Variants in ESRRG observed in about 807,000 individuals in gnomAD.
The protein encoded by ESRRG is estrogen related receptor gamma, also known as estrogen-related receptor gamma.
Under a neutral mutation model 44.0 loss-of-function variants are expected in ESRRG, and 13 were observed. That is an observed-to-expected ratio of 0.30 (90% CI 0.19 to 0.47). The LOEUF is 0.47. Among genes scored for constraint, ESRRG ranks in the 20% least tolerant of loss-of-function variants. ESRRG has a pLI of 1.00. For missense variants in ESRRG, 395 were observed against 580.6 expected (o/e 0.68, Z 3.29); for synonymous variants, 215 against 214.6 (o/e 1.00, Z -0.02).
intron 2 of ESRRG, among the ~76,000 whole-genome samples, chr1:216,786,229 A>C (rs1174108892): frequency 1.3e-5 from 2 of 152,240 alleles, no homozygotes; most frequent in Non-Finnish European, 2.9e-5. Context: ...TGCTGCAAGG[A>C]TGAAGACCTG....
intron 1 of ESRRG, among the ~76,000 whole-genome samples, chr1:217,058,319 C>T (rs1430216474): frequency 6.6e-6 from 1 of 152,108 alleles, no homozygotes; most frequent in East Asian, 1.9e-4. Flanking sequence ...GCAAAACTGA[C>T]TTGCAAGTAT....
chr1:216,762,485 C>A (rs1044285033), intron 2 of ESRRG, among the ~76,000 whole-genome samples: 5 of 148,370 alleles, frequency 3.4e-5, no homozygotes, highest in South Asian at 2.1e-4. Context: ...TATTCTCACT[C>A]ATAGGTGGGA....
rs954383725 is a variant in ESRRG, at chr1:216,954,790, G to C, written c.-105-15117C>G. Reference sequence around the variant, plus strand: ...GCTGACAGGCAGAGGAGTAAGTTGTGACATCTCAGTAGTGATCCTGCCTGA... The same window carrying C: ...GCTGACAGGCAGAGGAGTAAGTTGTCACATCTCAGTAGTGATCCTGCCTGA... On this transcript the variant is annotated intron_variant, in intron 1 of 7. Coordinates refer to the ESRRG transcript ENST00000359162. Among the ~76,000 whole-genome samples, 3 of 152,246 alleles carry C rather than the reference G, an allele frequency of 2.0e-5. No homozygotes were observed. In the South Asian group the frequency reaches 6.2e-4, roughly 32 times the overall value.
chr1:217,007,787 C>A (rs1233638281), intron 1 of ESRRG, among the ~76,000 whole-genome samples: 1 of 152,046 alleles, frequency 6.6e-6, no homozygotes, highest in Non-Finnish European at 1.5e-5. Context: ...ATGGACTAAG[C>A]ATTTACTATA....
chr1:216,949,732 G>A (rs1342234652), intron 1 of ESRRG, among the ~76,000 whole-genome samples: 2 of 151,816 alleles, frequency 1.3e-5, no homozygotes, highest in African/African-American at 4.8e-5. Flanking sequence ...AATTATAAAC[G>A]AACCAAAAAT....
chr1:216,736,891 C>A (rs975633880), intron 2 of ESRRG, among the ~76,000 whole-genome samples: 1 of 152,104 alleles, frequency 6.6e-6, no homozygotes, highest in African/African-American at 2.4e-5. Flanking sequence ...AGACCTGTTT[C>A]CCTCTAAAGG....
chr1:217,034,426 C>T (rs143015210), intron 1 of ESRRG, among the ~76,000 whole-genome samples: 2 of 152,166 alleles, frequency 1.3e-5, no homozygotes, highest in Non-Finnish European at 2.9e-5. Flanking sequence ...TTTTGGTCCC[C>T]GATGGTCTGT....
intron 3 of ESRRG, among the ~76,000 whole-genome samples, chr1:216,608,153 T>C (rs2060174593): frequency 1.3e-5 from 2 of 152,232 alleles, no homozygotes; most frequent in South Asian, 4.1e-4. Flanking sequence ...TGACCAATCT[T>C]TAATTAGTAT....
chr1:216,749,946 G>A (rs776627838), intron 2 of ESRRG, among the ~76,000 whole-genome samples: 1 of 152,256 alleles, frequency 6.6e-6, no homozygotes, highest in Admixed American at 6.5e-5. Context: ...TGAGGAATAT[G>A]TCTTATGTTA....
intron 2 of ESRRG, among the ~76,000 whole-genome samples, chr1:216,753,452 T>C (rs980599699): frequency 6.6e-6 from 1 of 152,078 alleles, no homozygotes; most frequent in African/African-American, 2.4e-5. Flanking sequence ...TTAAAGTCCA[T>C]ATTAATGATT....
intron 3 of ESRRG, among the ~76,000 whole-genome samples, chr1:216,577,031 A>G (rs2061804836): frequency 6.6e-6 from 1 of 151,982 alleles, no homozygotes; most frequent in Admixed American, 6.6e-5. Flanking sequence ...GTGAAGGGGG[A>G]AAAAAAGAAA....
chr1:216,864,219 G>A (rs185325812), intron 2 of ESRRG: 1 of 151,990 alleles, frequency 6.6e-6, no homozygotes, highest in African/African-American at 2.4e-5. Flanking sequence ...TTGAATCACA[G>A]GACAAATCAA....
chr1:216,773,620 AC>A (rs762839954), intron 2 of ESRRG, among the ~76,000 whole-genome samples: 1 of 152,176 alleles, frequency 6.6e-6, no homozygotes, highest in African/African-American at 2.4e-5. Flanking sequence ...AAAAACATTT[AC>A]AAATCCCCAA....
chr1:216,855,743 G>C, intron 2 of ESRRG, among the ~76,000 whole-genome samples: 1 of 152,224 alleles, frequency 6.6e-6, no homozygotes, highest in African/African-American at 2.4e-5. Flanking sequence ...GGGAACCAAC[G>C]AGATAAATGC....
At chr1:216,741,580 A>G (rs923576852) in intron 2 of ESRRG, among the ~76,000 whole-genome samples, 2 of 152,054 alleles carry the variant, frequency 1.3e-5, no homozygotes, top group African/African-American at 2.4e-5. Flanking sequence ...ATGTGATTTT[A>G]CTTCTCTTAT....
chr1:217,006,388 G>A (rs938181432), intron 1 of ESRRG, among the ~76,000 whole-genome samples: 1 of 151,924 alleles, frequency 6.6e-6, no homozygotes, highest in Admixed American at 6.6e-5. Context: ...GTAATCTTAA[G>A]TTATGTCTAT....
In ESRRG at chr1:216,504,434, A is replaced by G. The variant is rs1289751564; in HGVS notation, c.*2505T>C. 1 of 152,572 alleles carries G rather than the reference A, an allele frequency of 6.6e-6. No individual in the cohort carries two copies. Among genetic ancestry groups the G allele is most frequent in the African/African-American group, 2.4e-5 (1 of 41,446 alleles). 9.5% of individuals were successfully genotyped at this position (152,572 alleles called of 1,614,324 possible). A position where few individuals can be genotyped will look rare whatever the true frequency, so the allele number is the denominator to read the frequency against. On this transcript the variant is annotated 3_prime_UTR_variant, in exon 7 of 7. Coordinates refer to ENST00000408911, the MANE Select transcript of ESRRG (RefSeq NM_001438.4). ...TGACCATCTGAATGAATTGCTAATG[A>G]TGATTTATCTAGAATCACACTACAG...
chr1:217,105,775 C>G (rs2092585145), intron 1 of ESRRG, among the ~76,000 whole-genome samples: 1 of 152,166 alleles, frequency 6.6e-6, no homozygotes, highest in Non-Finnish European at 1.5e-5. Flanking sequence ...TAGTAGCCAT[C>G]CCTGTGTCTC....
chr1:216,967,371 C>T (rs1005771687), intron 1 of ESRRG, among the ~76,000 whole-genome samples: 7 of 152,092 alleles, frequency 4.6e-5, no homozygotes, highest in Admixed American at 3.3e-4. Context: ...CCTAAAAATC[C>T]TCCGCAGCTC....
Sources: gnomAD v4.1 joint callset for allele counts (sites outside exome capture counted in the v4.1 genomes callset) on GRCh38, gnomAD v4.1.1 for gene constraint, MANE v1.5 for transcripts, NCBI Gene and HGNC (gene_info 2026-07-23, HGNC 2026-07-21) for gene names.